ZFAT: variants seen among roughly 807,000 people sequenced by gnomAD.
ZFAT encodes zinc finger protein ZFAT.
ZFAT carries 64 observed loss-of-function variants against 117.7 expected under a neutral mutation model. The ratio of observed to expected loss-of-function variants is 0.54; its 90% CI spans 0.44 to 0.67. The LOEUF (loss-of-function observed/expected upper bound fraction) is 0.67. ZFAT is among the 30% of genes least tolerant of loss of function. ZFAT has a pLI of 0.00. For synonymous variants in ZFAT, 679 were observed against 615.0 expected (o/e 1.10, Z -1.54); for missense variants, 1,433 against 1,584.5 (o/e 0.90, Z 1.62).
chr8:134,569,763 T>G (rs1266254433), intron 10 of ZFAT, among the ~76,000 whole-genome samples: 2 of 152,168 alleles, frequency 1.3e-5, no homozygotes, highest in South Asian at 4.2e-4. Context: ...CTGAGTGCAG[T>G]GCCCTCCAGA....
chr8:134,755,014 C>T, the ZFAT span, among the ~76,000 whole-genome samples: 17 of 152,124 alleles, frequency 1.1e-4, no homozygotes, highest in African/African-American at 4.1e-4. Flanking sequence ...CCAGCCTTAC[C>T]TTTTTGGTTG....
At chr8:134,581,205 C>A (rs911736791) in intron 10 of ZFAT, among the ~76,000 whole-genome samples, 29 of 151,880 alleles carry the variant, frequency 1.9e-4, no homozygotes, top group Admixed American at 6.6e-5. Flanking sequence ...CCTAGATCAG[C>A]AATGGAGCTA....
At chr8:134,490,523 C>T (rs981763486) in intron 15 of ZFAT, among the ~76,000 whole-genome samples, 1 of 152,206 alleles carries the variant, frequency 6.6e-6, no homozygotes, top group African/African-American at 2.4e-5. Context: ...ATGCCTGTGC[C>T]TTCAAATACA....
At chr8:134,528,529 T>C (rs1417588592) in intron 12 of ZFAT, among the ~76,000 whole-genome samples, 1 of 152,186 alleles carries the variant, frequency 6.6e-6, no homozygotes, top group Non-Finnish European at 1.5e-5. Flanking sequence ...CAAATATACA[T>C]CCAAGGTACA....
At chr8:134,713,265 C>T (rs998572031), upstream of ZFAT, among the ~76,000 whole-genome samples, 2 of 152,248 alleles carry the variant, frequency 1.3e-5, no homozygotes, top group Non-Finnish European at 2.9e-5. Context: ...GGTCAGGAGT[C>T]TGGCGGTTGT....
chr8:134,639,025 C>T (rs1830432318), intron 2 of ZFAT, among the ~76,000 whole-genome samples: 1 of 152,206 alleles, frequency 6.6e-6, no homozygotes, highest in African/African-American at 2.4e-5. Flanking sequence ...CAGGTCCCTT[C>T]CTGCTCTCTC....
chr8:134,806,870 C>T, the ZFAT span, among the ~76,000 whole-genome samples: 1 of 152,086 alleles, frequency 6.6e-6, no homozygotes, highest in Admixed American at 6.6e-5. Flanking sequence ...CTTCTAGACA[C>T]AATCTTTGTA....
chr8:134,723,794 C>T, the ZFAT span: 3 of 152,176 alleles, frequency 2.0e-5, no homozygotes, highest in African/African-American at 4.8e-5. Flanking sequence ...CAAGCAGAAC[C>T]CTTCTTCAGA....
chr8:134,541,801 C>T (rs139895908), intron 11 of ZFAT, among the ~76,000 whole-genome samples: 20 of 152,356 alleles, frequency 1.3e-4, no homozygotes, highest in African/African-American at 4.6e-4. Context: ...AATCATGCTG[C>T]CATTTCTTTC....
intron 1 of ZFAT, among the ~76,000 whole-genome samples, chr8:134,705,319 G>A (rs1834119118): frequency 6.6e-6 from 1 of 150,800 alleles, no homozygotes; most frequent in African/African-American, 2.4e-5. Context: ...TCCCACCTCA[G>A]CCTCCTGATT....
chr8:134,554,536 T>A (rs1372659), intron 11 of ZFAT, among the ~76,000 whole-genome samples: 53,363 of 151,794 alleles, frequency 0.35, 9,655 homozygotes, highest in East Asian at 0.67. Context: ...GGTTGGGGGC[T>A]GAAGCTGGCG....
chr8:134,712,676 A>C (rs556538095), intron 1 of ZFAT, among the ~76,000 whole-genome samples, 169 bp downstream of exon 1: 6 of 146,222 alleles, frequency 4.1e-5, no homozygotes, highest in South Asian at 2.2e-4. Context: ...TGAGCCGCAG[A>C]ACGCAACTAC....
At chr8:134,566,015 C>G (rs1252713623) in intron 10 of ZFAT, among the ~76,000 whole-genome samples, 1 of 151,808 alleles carries the variant, frequency 6.6e-6, no homozygotes, top group East Asian at 1.9e-4. Context: ...TTGCAGAACT[C>G]CTAACTCTGT....
chr8:134,679,231 C>T (rs1309817514), intron 1 of ZFAT, among the ~76,000 whole-genome samples: 1 of 152,110 alleles, frequency 6.6e-6, no homozygotes, highest in Non-Finnish European at 1.5e-5. Context: ...AGAACTTAAA[C>T]AAGTTTACAA....
intron 9 of ZFAT, 119 bp from the exon 10 acceptor site, chr8:134,584,124 C>T: frequency 1.7e-6 from 2 of 1,147,950 alleles, no homozygotes; most frequent in Non-Finnish European, 2.4e-6. Flanking sequence ...ATATATAAAA[C>T]ATCCGTTTTG....
chr8:134,717,287 C>T (rs1814221839), upstream of ZFAT, among the ~76,000 whole-genome samples: 1 of 151,116 alleles, frequency 6.6e-6, no homozygotes, highest in African/African-American at 2.4e-5. Context: ...CTGAGGGAGC[C>T]CCCACCAGCA....
chr8:134,577,078 T>C (rs1460644280), intron 10 of ZFAT, among the ~76,000 whole-genome samples: 2 of 152,186 alleles, frequency 1.3e-5, no homozygotes, highest in East Asian at 3.8e-4. Context: ...AGACAGCACA[T>C]CATGTCTAGG....
intron 11 of ZFAT, among the ~76,000 whole-genome samples, chr8:134,540,469 A>G (rs902033891): frequency 2.0e-5 from 3 of 152,200 alleles, no homozygotes; most frequent in Non-Finnish European, 4.4e-5. Context: ...CATGACAAGA[A>G]CATTCTCTTC....
rs949447351 is a variant in ZFAT at position 134,608,971 on chromosome 8, A to G, written c.635-92T>C. The stretch of plus-strand genomic sequence containing the variant: ...CAGAGGGGATGGTGCTGGGAAGTCT[A>G]TTTCTATACTGTCTGATACCCACGC... On this transcript the variant is annotated intron_variant, in intron 4 of 15. Transcript: ENST00000377838. The G allele has an allele frequency of 4.9e-6, 7 of 1,426,726 alleles. No individual in the cohort carries two copies. In the East Asian group the frequency reaches 1.7e-4, roughly 35 times the overall value. The allele number at this position is 1,426,726 out of a possible 1,614,324, so 88.4% of individuals were successfully genotyped here. A position where few individuals can be genotyped will look rare whatever the true frequency, so the allele number is the denominator to read the frequency against.
Sources: allele counts gnomAD v4.1 joint callset (sites outside exome capture counted in the v4.1 genomes callset), GRCh38; gene constraint gnomAD v4.1.1; transcripts MANE v1.5; gene names NCBI Gene and HGNC (gene_info 2026-07-23, HGNC 2026-07-21).